Variants in SYTL3 observed in about 807,000 individuals in gnomAD.
The protein encoded by SYTL3 is synaptotagmin-like protein 3.
SYTL3 carries 88 observed loss-of-function variants against 82.1 expected under a neutral mutation model. The observed-to-expected ratio is 1.07, with a 90% CI of 0.90 to 1.28. SYTL3 has a LOEUF of 1.28. Ranked by LOEUF, SYTL3 falls within the 50% of genes most tolerant of loss-of-function variation. SYTL3 has a pLI of 0.00. For synonymous variants in SYTL3, 311 were observed against 289.4 expected (o/e 1.07, Z -0.76); for missense variants, 831 against 757.6 (o/e 1.10, Z -1.14).
Position 158,756,717 on chromosome 6 carries a change from AAATTT to A in SYTL3, c.1138-493_1138-489del, listed in dbSNP as rs1421581614. ...CAGAGCGAGATCCTGTCTCAAAAAA[AAATTT>A]TTTTTTTTTTTTTTTTTTTTTTTTT... On this transcript the variant is annotated intron_variant, in intron 13 of 17. Transcript: ENST00000611299. Among the ~76,000 whole-genome samples the A allele has an allele frequency of 1.3e-4, 7 of 53,290 alleles. No homozygotes were observed. The East Asian group carries it at 0.022, about 167-fold the overall frequency. 35.0% of individuals were successfully genotyped at this position (53,290 alleles called of 152,430 possible).
At chr6:158,667,598 G>A (rs1205557873) in intron 5 of SYTL3, among the ~76,000 whole-genome samples, 3 of 152,176 alleles carry the variant, frequency 2.0e-5, no homozygotes, top group Non-Finnish European at 4.4e-5. Context: ...CACATCTGGG[G>A]ACCTAGAAAA....
chr6:158,726,746 G>T, intron 11 of SYTL3: 1 of 213,884 alleles, frequency 4.7e-6, no homozygotes, highest in Non-Finnish European at 9.7e-6. Context: ...CACAAGGCCT[G>T]GGATCTTTGA....
intron 6 of SYTL3, 78 bp from the exon 7 acceptor site, chr6:158,707,152 T>G (rs1782189895): frequency 1.4e-6 from 2 of 1,384,728 alleles, no homozygotes; most frequent in Non-Finnish European, 2.0e-6. Context: ...AAAATAATTT[T>G]AATCTACTAT....
intron 6 of SYTL3, among the ~76,000 whole-genome samples, chr6:158,692,316 G>A (rs1348783932): frequency 1.8e-4 from 20 of 108,186 alleles, no homozygotes; most frequent in Non-Finnish European, 2.5e-4. Flanking sequence ...TAATAGATAA[G>A]CAGTCTACTC....
intron 5 of SYTL3, among the ~76,000 whole-genome samples, chr6:158,677,705 CAAAAAAAAAAAAAA>C (rs56865775): frequency 0.15 from 10,406 of 68,794 alleles, 548 homozygotes; most frequent in Middle Eastern, 0.25. Context: ...AACTCTGTCT[CAAAAAAAAAAAAAA>C]AAAAAAAAAA....
chr6:158,721,560 C>G (rs55924442), intron 10 of SYTL3, among the ~76,000 whole-genome samples: 1 of 152,002 alleles, frequency 6.6e-6, no homozygotes, highest in Admixed American at 6.6e-5. Context: ...ATAAAGTACT[C>G]AGCAATGATA....
At chr6:158,693,858 T>TTCTTTTCTTTTCTTTTC (rs1224791292) in intron 6 of SYTL3, among the ~76,000 whole-genome samples, 20 of 120,448 alleles carry the variant, frequency 1.7e-4, no homozygotes, top group South Asian at 4.9e-4. Context: ...TTCTTTTCTT[T>TTCTTTTCTTTTCTTTTC]TTTTTTTTTT....
In SYTL3 at chr6:158,760,643, G is replaced by A. The variant is rs1464785791; in HGVS notation, c.1312G>A (p.Glu438Lys). Residue 438 changes from glutamate to lysine, a missense_variant, in exon 15 of 18, where the codon GAG becomes AAG. Coordinates refer to ENST00000611299, the MANE Select transcript of SYTL3 (RefSeq NM_001242394.2). ...FRWHPLRAKA[E>K]KYEDSVPQSN... Reference sequence around the variant, plus strand: ...AAGCTCTGCCTCTTGTCCCCAGGCGGAGAAATACGAAGACAGCGTTCCTCA... The same window carrying A: ...AAGCTCTGCCTCTTGTCCCCAGGCGAAGAAATACGAAGACAGCGTTCCTCA... 2.5e-6 allele frequency: 4 copies of A among 1,613,808 alleles called. No individual in the cohort carries two copies. The South Asian group carries it at 4.4e-5, about 18-fold the overall frequency.
At chr6:158,713,934 A>T in intron 9 of SYTL3, 56 bp downstream of exon 9, 1 of 1,346,974 alleles carries the variant, frequency 7.4e-7, no homozygotes, top group Non-Finnish European at 1.0e-6. Context: ...AGCCGAGCCC[A>T]CTGGCCAGGG....
rs150587054 is a variant in SYTL3 at position 158,662,944 on chromosome 6, C to T, written c.-325C>T. ...AATTTATAACAATCTCTGGTGAAACCTCAGAAAAGAGATATGCTTTTGTCT... is the reference window on the plus strand; with the variant it reads ...AATTTATAACAATCTCTGGTGAAACTTCAGAAAAGAGATATGCTTTTGTCT... On this transcript the variant is annotated 5_prime_UTR_variant, in exon 4 of 18. Coordinates refer to ENST00000611299, the MANE Select transcript of SYTL3 (RefSeq NM_001242394.2). The T allele has an allele frequency of 1.6e-4, 31 of 199,114 alleles. No homozygotes were observed. The highest frequency in any genetic ancestry group is 6.5e-4 in the African/African-American group (28 of 43,358). The allele number at this position is 199,114 out of a possible 1,614,324, so 12.3% of individuals were successfully genotyped here.
intron 10 of SYTL3, 68 bp from the exon 11 acceptor site, chr6:158,725,435 C>T (rs1784602737): frequency 6.4e-7 from 1 of 1,562,300 alleles, no homozygotes; most frequent in African/African-American, 1.4e-5. Flanking sequence ...TTGCTGAAGT[C>T]ACCACATTTG....
intron 13 of SYTL3, among the ~76,000 whole-genome samples, chr6:158,754,144 C>A (rs1417732962): frequency 2.6e-5 from 4 of 152,108 alleles, no homozygotes. Flanking sequence ...CTGTCTCCAG[C>A]CAGTTTTGAG....
intron 5 of SYTL3, among the ~76,000 whole-genome samples, chr6:158,678,723 T>C (rs1583206371): frequency 6.6e-6 from 1 of 152,180 alleles, no homozygotes; most frequent in East Asian, 1.9e-4. Context: ...CTCATGCAGT[T>C]AATGTGAAGG....
At chr6:158,675,271 ACCT>A (rs1040283017) in intron 5 of SYTL3, among the ~76,000 whole-genome samples, 1 of 152,120 alleles carries the variant, frequency 6.6e-6, no homozygotes, top group Non-Finnish European at 1.5e-5. Context: ...AGAGGGGGGC[ACCT>A]GCCTTCTCTC....
intron 10 of SYTL3, among the ~76,000 whole-genome samples, chr6:158,721,331 T>C (rs1333053115): frequency 1.3e-5 from 2 of 152,100 alleles, no homozygotes; most frequent in African/African-American, 4.8e-5. Flanking sequence ...TCCTCCCACC[T>C]CAGCCTCCCA....
At chr6:158,737,416 ACT>A (rs1786326627) in intron 11 of SYTL3, among the ~76,000 whole-genome samples, 1 of 152,028 alleles carries the variant, frequency 6.6e-6, no homozygotes, top group Non-Finnish European at 1.5e-5. Flanking sequence ...GCTTCAGTTG[ACT>A]CTGAGTTTTC....
At chr6:158,661,947 C>T (rs1274655358) in intron 3 of SYTL3, among the ~76,000 whole-genome samples, 1 of 152,182 alleles carries the variant, frequency 6.6e-6, no homozygotes, top group Admixed American at 6.5e-5. Context: ...TAATCAATTT[C>T]TTCCTATGTA....
At position 158,760,680 on chromosome 6, in the gene SYTL3, A is replaced by C. The variant is rs760297185; in HGVS notation, c.1349A>C (p.Glu450Ala). The C allele has an allele frequency of 6.8e-6, 11 of 1,613,938 alleles. No homozygotes were observed. The highest frequency in any genetic ancestry group is 1.7e-6 in the Non-Finnish European group (2 of 1,179,992). The change falls in exon 15 of 18, where the codon GAG becomes GCG. Residue 450 changes from glutamate (E) to alanine (A), a missense_variant. Physicochemically the swap from Glu to Ala is moderately radical, Grantham distance 107. Transcript: ENST00000611299. ...GACAGCGTTCCTCAGAGTAATGGAG[A>C]GCTCACAGTCCGGGCTAAGCTGGTT... ...YEDSVPQSNGELTVRAKLVLP... is the reference protein window; with the variant it reads ...YEDSVPQSNGALTVRAKLVLP...
At chr6:158,691,963 T>C (rs1216167375) in intron 6 of SYTL3, among the ~76,000 whole-genome samples, 1 of 147,090 alleles carries the variant, frequency 6.8e-6, no homozygotes, top group East Asian at 2.0e-4. Flanking sequence ...TATTAAACTT[T>C]CTTAAGTTAA....
Sources: gnomAD v4.1 joint callset for allele counts (sites outside exome capture counted in the v4.1 genomes callset) on GRCh38, gnomAD v4.1.1 for gene constraint, MANE v1.5 for transcripts, NCBI Gene and HGNC (gene_info 2026-07-23, HGNC 2026-07-21) for gene names.